Variants in EFCAB3 observed in about 807,000 individuals in gnomAD.
EFCAB3 encodes the protein EF-hand calcium-binding domain-containing protein 3.
A neutral mutation model predicts 42.2 loss-of-function variants in EFCAB3; 36 were observed. The observed-to-expected ratio is 0.85, with a 90% CI of 0.65 to 1.13. The LOEUF (loss-of-function observed/expected upper bound fraction) is 1.13, where lower values mean the gene tolerates loss of function less well. Ranked by LOEUF, EFCAB3 falls within the 50% of genes most tolerant of loss-of-function variation. The pLI is 0.00. For missense variants in EFCAB3, 418 were observed against 505.1 expected (o/e 0.83, Z 1.65); for synonymous variants, 170 against 172.8 (o/e 0.98, Z 0.13).
At chr17:62,402,915 G>A (rs1307526249) in intron 6 of EFCAB3, among the ~76,000 whole-genome samples, 1 of 152,086 alleles carries the variant, frequency 6.6e-6, no homozygotes, top group African/African-American at 2.4e-5. Context: ...AATCCATCTG[G>A]TCCTGGACTT....
chr17:62,378,080 T>G (rs1023723242), upstream of EFCAB3: 5 of 1,341,798 alleles, frequency 3.7e-6, no homozygotes, highest in African/African-American at 5.9e-5. Context: ...TGACTTACAT[T>G]TTTTAATACC....
At chr17:62,375,991 G>A (rs1474622212), upstream of EFCAB3, among the ~76,000 whole-genome samples, 2 of 151,644 alleles carry the variant, frequency 1.3e-5, no homozygotes, top group African/African-American at 4.9e-5. Flanking sequence ...TACCCAGCTC[G>A]CCCACATGTT....
At position 62,391,665 on chromosome 17, in the gene EFCAB3, T is replaced by C. The variant is rs78808656; in HGVS notation, c.152-157T>C. ...CAGTTCAAGTTCCGTGGAAGGATAC[T>C]GTCCTTTATAAGAAATGTCTATTAA... On this transcript the variant is annotated intron_variant, in intron 3 of 9. Transcript: ENST00000305286. Among the ~76,000 whole-genome samples the C allele has an allele frequency of 4.5e-3, 690 of 152,304 alleles. 3 individuals carry two copies. The highest frequency in any genetic ancestry group is 0.016 in the African/African-American group (652 of 41,574).
chr17:62,413,810 A>T lies in EFCAB3; in HGVS notation c.946A>T (p.Lys316Ter), dbSNP rs1471786654. Residue 316 changes from lysine (K) to a stop codon, truncating the protein, a stop_gained, in exon 9 of 10, where the codon AAG becomes TAG. Coordinates refer to ENST00000305286, the MANE Select transcript of EFCAB3 (RefSeq NM_173503.4). LOFTEE classifies it high-confidence loss of function. ...IFTIDQMLKK[K>*]QTCTVADATA... ...CACCATTGATCAAATGCTCAAGAAAAAGCAGACTTGTACAGTGGCCGATGC... is the reference window on the plus strand; with the variant it reads ...CACCATTGATCAAATGCTCAAGAAATAGCAGACTTGTACAGTGGCCGATGC... The T allele has an allele frequency of 6.2e-7, 1 of 1,613,810 alleles. No homozygotes were observed. Among genetic ancestry groups the T allele is most frequent in the South Asian group, 1.1e-5 (1 of 91,020 alleles).
At chr17:62,415,964 T>C (rs1388263265) in intron 9 of EFCAB3, 39 bp from the exon 10 acceptor site, 1 of 1,506,114 alleles carries the variant, frequency 6.6e-7, no homozygotes, top group African/African-American at 1.4e-5. Context: ...CAAAGCTACT[T>C]TAAGGTAACT....
rs2070218188 is a variant in EFCAB3, at chr17:62,383,107, T to TCATAC, written c.74+54_74+55insCATAC. Reference sequence around the variant, plus strand: ...ATGTATTATGATAAAGAATTATTAGTGTTACAGCTCTTTTAGAATTTTGTC... The same window carrying TCATAC: ...ATGTATTATGATAAAGAATTATTAGTCATACGTTACAGCTCTTTTAGAATTTTGTC... On this transcript the variant is annotated intron_variant, in intron 2 of 9. Transcript: ENST00000305286. The TCATAC allele has an allele frequency of 2.2e-5, 33 of 1,482,136 alleles. No homozygotes were observed. In the South Asian group the frequency reaches 3.7e-4, roughly 17 times the overall value. 91.8% of individuals were successfully genotyped at this position (1,482,136 alleles called of 1,614,324 possible). A position where few individuals can be genotyped will look rare whatever the true frequency, so the allele number is the denominator to read the frequency against.
chr17:62,393,450 G>A (rs942132602), intron 4 of EFCAB3, 123 bp from the exon 5 acceptor site: 10 of 738,206 alleles, frequency 1.4e-5, no homozygotes, highest in Admixed American at 5.5e-5. Context: ...CATATTTCCA[G>A]CCCTCAAATG....
At chr17:62,378,885 G>A (rs1041406886), upstream of EFCAB3, among the ~76,000 whole-genome samples, 19 of 150,504 alleles carry the variant, frequency 1.3e-4, no homozygotes, top group Non-Finnish European at 2.2e-4. Flanking sequence ...TAACAAACCT[G>A]CACGTTCTGC....
chr17:62,380,430 T>C (rs1474364552), upstream of EFCAB3: 1 of 250,822 alleles, frequency 4.0e-6, no homozygotes, highest in Admixed American at 6.5e-5. Context: ...ACACCAAGGG[T>C]GCTGAATGAA....
chr17:62,416,028 A>G lies in EFCAB3; in HGVS notation c.1016A>G (p.Asn339Ser). The G allele has an allele frequency of 6.2e-7, 1 of 1,613,334 alleles. No homozygotes were observed. The highest frequency in any genetic ancestry group is 8.5e-7 in the Non-Finnish European group (1 of 1,179,628). ...GTGAAGAGAGCTACTGATACCTATA[A>G]TTTAGGAATTGCCCTTGAACACCGA... Reference protein sequence around the residue: ...QHVKRATDTYNLGIALEHRKE... With the variant: ...QHVKRATDTYSLGIALEHRKE... The change falls in exon 10 of 10, where the codon AAT becomes AGT. Residue 339 changes from asparagine (N) to serine (S), a missense_variant. Asn to Ser is a conservative substitution (Grantham distance 46, BLOSUM62 1). Transcript: ENST00000305286.
At chr17:62,395,460 C>G (rs1292052020) in intron 6 of EFCAB3, among the ~76,000 whole-genome samples, 16 of 152,184 alleles carry the variant, frequency 1.1e-4, no homozygotes, top group Admixed American at 1.0e-3. Flanking sequence ...TTAGCCTCCT[C>G]TATCTCAGAC....
intron 1 of EFCAB3, among the ~76,000 whole-genome samples, chr17:62,371,576 A>G (rs1260572995): frequency 1.3e-5 from 2 of 152,108 alleles, no homozygotes; most frequent in Non-Finnish European, 2.9e-5. Flanking sequence ...AAATGAAAAC[A>G]AAAGATTGTG....
At chr17:62,386,444 T>C (rs946481747) in intron 2 of EFCAB3, among the ~76,000 whole-genome samples, 2 of 151,410 alleles carry the variant, frequency 1.3e-5, no homozygotes, top group South Asian at 2.1e-4. Context: ...AGTTTGACGA[T>C]TGTAAAATAG....
At chr17:62,413,631 C>T in intron 8 of EFCAB3, 101 bp from the exon 9 acceptor site, 1 of 1,058,464 alleles carries the variant, frequency 9.4e-7, no homozygotes, top group Admixed American at 3.1e-5. Flanking sequence ...AAATTATATA[C>T]AAATCCTTCT....
chr17:62,391,299 T>G (rs1362838107), intron 3 of EFCAB3, among the ~76,000 whole-genome samples: 1 of 151,998 alleles, frequency 6.6e-6, no homozygotes, highest in African/African-American at 2.4e-5. Flanking sequence ...TGTTCTTTTT[T>G]CTTGCAGGGC....
At chr17:62,399,028 G>A (rs2070378392) in intron 6 of EFCAB3, among the ~76,000 whole-genome samples, 1 of 151,932 alleles carries the variant, frequency 6.6e-6, no homozygotes, top group Non-Finnish European at 1.5e-5. Flanking sequence ...CTGCTCCCCT[G>A]CTCTGCCTGC....
chr17:62,414,252 A>G (rs1342239714), intron 9 of EFCAB3, among the ~76,000 whole-genome samples: 3 of 152,236 alleles, frequency 2.0e-5, no homozygotes, highest in Non-Finnish European at 4.4e-5. Flanking sequence ...AGGGCTAAGA[A>G]GCTTGAGAAG....
intron 2 of EFCAB3, among the ~76,000 whole-genome samples, chr17:62,386,362 T>C (rs2144067864): frequency 6.6e-6 from 1 of 152,274 alleles, no homozygotes. Context: ...ACCCAGGGTT[T>C]CAAATTTTCA....
chr17:62,380,704 G>C (rs552357320), intron 1 of EFCAB3, 91 bp downstream of exon 1: 1 of 684,210 alleles, frequency 1.5e-6, no homozygotes, highest in African/African-American at 2.0e-5. Context: ...TTAAAGAAAT[G>C]ATTATTTTGA....
Sources: allele counts gnomAD v4.1 joint callset (sites outside exome capture counted in the v4.1 genomes callset), GRCh38; gene constraint gnomAD v4.1.1; transcripts MANE v1.5; gene names NCBI Gene and HGNC (gene_info 2026-07-23, HGNC 2026-07-21).